Variants in ROBO1 observed in about 807,000 individuals in gnomAD.
ROBO1 encodes roundabout guidance receptor 1, also known as roundabout homolog 1.
Under a neutral mutation model 195.9 loss-of-function variants are expected in ROBO1, and 149 were observed. The ratio of observed to expected loss-of-function variants is 0.76; its 90% CI spans 0.67 to 0.87. The LOEUF (loss-of-function observed/expected upper bound fraction) is 0.87, where lower values mean the gene tolerates loss of function less well. Among genes scored for constraint, ROBO1 ranks in the 40% least tolerant of loss-of-function variants. The probability of loss-of-function intolerance (pLI) is 0.00; values close to 1 mark genes in which losing one functional copy is unlikely to be tolerated. For synonymous variants in ROBO1, 816 were observed against 733.2 expected (o/e 1.11, Z -1.82); for missense variants, 1,933 against 2,068.3 (o/e 0.93, Z 1.27).
intron 2 of ROBO1, among the ~76,000 whole-genome samples, chr3:79,525,061 G>A (rs1015310713): frequency 6.6e-6 from 1 of 151,520 alleles, no homozygotes; most frequent in Non-Finnish European, 1.5e-5. Flanking sequence ...CTCAAACTTG[G>A]AACAGTATAC....
At chr3:79,685,090 T>C (rs1947061430) in intron 1 of ROBO1, among the ~76,000 whole-genome samples, 1 of 152,200 alleles carries the variant, frequency 6.6e-6, no homozygotes, top group Non-Finnish European at 1.5e-5. Context: ...ATAGTGACTT[T>C]CTAAACCAAT....
intron 1 of ROBO1, among the ~76,000 whole-genome samples, chr3:79,708,004 A>G (rs1451744210): frequency 1.3e-5 from 2 of 152,154 alleles, no homozygotes; most frequent in Non-Finnish European, 2.9e-5. Flanking sequence ...ATTCTCATAC[A>G]AGGAGTGGTA....
At chr3:79,183,672 A>T (rs916469708) in intron 2 of ROBO1, among the ~76,000 whole-genome samples, 3 of 152,166 alleles carry the variant, frequency 2.0e-5, no homozygotes, top group South Asian at 2.1e-4. Context: ...ACAAGAAAGG[A>T]CCTGCTTAAG....
chr3:78,643,736 T>G (rs72904796), intron 21 of ROBO1, among the ~76,000 whole-genome samples: 1,766 of 152,232 alleles, frequency 0.012, 32 homozygotes, highest in African/African-American at 0.041. Context: ...CAATATGCAT[T>G]TCAAAAGATC....
intron 2 of ROBO1, among the ~76,000 whole-genome samples, chr3:79,383,974 G>T (rs2036653939): frequency 6.6e-6 from 1 of 151,874 alleles, no homozygotes. Flanking sequence ...TGTTTATTTT[G>T]ATAATTAACT....
chr3:79,522,070 T>C (rs1483343782), intron 2 of ROBO1, among the ~76,000 whole-genome samples: 1 of 152,188 alleles, frequency 6.6e-6, no homozygotes, highest in Non-Finnish European at 1.5e-5. Flanking sequence ...CAAAACAGAT[T>C]CAGTATGTCA....
At chr3:79,317,941 T>C (rs1316669442) in intron 2 of ROBO1, among the ~76,000 whole-genome samples, 1 of 152,162 alleles carries the variant, frequency 6.6e-6, no homozygotes, top group Non-Finnish European at 1.5e-5. Flanking sequence ...AAGATATTTA[T>C]TATAAGAAAT....
chr3:79,724,255 A>C (rs1283710347), intron 1 of ROBO1, among the ~76,000 whole-genome samples: 1 of 152,116 alleles, frequency 6.6e-6, no homozygotes, highest in East Asian at 1.9e-4. Flanking sequence ...TACATTTTTT[A>C]TTTTAAGATG....
rs567207352 is a variant in ROBO1 at position 78,866,204 on chromosome 3, GACA to G, written c.499+72394_499+72396del. ...TTTAAAACAGGAAAAGGGAATAAAA[GACA>G]ACAATATTACAAAATTATTATAGAT... On this transcript the variant is annotated intron_variant, in intron 4 of 30. Coordinates refer to ENST00000464233, the MANE Select transcript of ROBO1 (RefSeq NM_002941.4). Among the ~76,000 whole-genome samples, 445 of 152,184 alleles carry G rather than the reference GACA, an allele frequency of 2.9e-3. 3 individuals are homozygous for G. Among genetic ancestry groups the G allele is most frequent in the African/African-American group, 0.01 (422 of 41,518 alleles).
At chr3:79,178,770 G>A (rs1393297661) in intron 2 of ROBO1, among the ~76,000 whole-genome samples, 2 of 152,284 alleles carry the variant, frequency 1.3e-5, no homozygotes, top group East Asian at 1.9e-4. Context: ...GATGCTGGGG[G>A]ATTAATGCTA....
chr3:78,603,277 C>T (rs1036749755), intron 29 of ROBO1, among the ~76,000 whole-genome samples: 2 of 152,006 alleles, frequency 1.3e-5, no homozygotes, highest in Admixed American at 6.6e-5. Flanking sequence ...CTCAATAGAC[C>T]TTCGGGCTTT....
intron 4 of ROBO1, among the ~76,000 whole-genome samples, chr3:78,848,812 G>C (rs534255656): frequency 6.6e-6 from 1 of 152,246 alleles, no homozygotes; most frequent in East Asian, 1.9e-4. Context: ...CTACATTGTA[G>C]AAGCATCACT....
At chr3:79,335,447 T>C (rs923523511) in intron 2 of ROBO1, among the ~76,000 whole-genome samples, 3 of 152,132 alleles carry the variant, frequency 2.0e-5, no homozygotes, top group Admixed American at 2.0e-4. Context: ...CTTCATACTG[T>C]TCTCATGATA....
chr3:79,167,229 C>G (rs150198384), intron 2 of ROBO1, among the ~76,000 whole-genome samples: 1 of 148,514 alleles, frequency 6.7e-6, no homozygotes, highest in Non-Finnish European at 1.5e-5. Context: ...TCTAAACTCA[C>G]GCTAGTAAAT....
chr3:78,762,321 A>G (rs889715200), intron 4 of ROBO1, among the ~76,000 whole-genome samples: 1 of 152,088 alleles, frequency 6.6e-6, no homozygotes, highest in South Asian at 2.1e-4. Flanking sequence ...AGGATTTTTT[A>G]TTAGCTTTTA....
chr3:79,408,568 TGA>T (rs2037643228), intron 2 of ROBO1, among the ~76,000 whole-genome samples: 1 of 152,000 alleles, frequency 6.6e-6, no homozygotes, highest in Non-Finnish European at 1.5e-5. Flanking sequence ...ATTTGAAAAT[TGA>T]GAGTGATATG....
intron 1 of ROBO1, among the ~76,000 whole-genome samples, chr3:79,756,471 C>G (rs192269348): frequency 6.6e-6 from 1 of 150,716 alleles, no homozygotes; most frequent in Non-Finnish European, 1.5e-5. Flanking sequence ...ATTGCTTGAA[C>G]CCAGGGTGGC....
intron 2 of ROBO1, among the ~76,000 whole-genome samples, chr3:79,360,075 T>A (rs189368681): frequency 1.3e-5 from 2 of 152,194 alleles, no homozygotes; most frequent in Admixed American, 6.6e-5. Flanking sequence ...GCGATTATAC[T>A]GTATGTTCTC....
chr3:79,366,814 A>G (rs530978991), intron 2 of ROBO1, among the ~76,000 whole-genome samples: 1 of 152,314 alleles, frequency 6.6e-6, no homozygotes, highest in African/African-American at 2.4e-5. Context: ...AAGGTAGTTC[A>G]GTTCATATTA....
Sources: gnomAD v4.1 joint callset for allele counts (sites outside exome capture counted in the v4.1 genomes callset) on GRCh38, gnomAD v4.1.1 for gene constraint, MANE v1.5 for transcripts, NCBI Gene and HGNC (gene_info 2026-07-23, HGNC 2026-07-21) for gene names.